Variants in CSMD1 observed in about 807,000 individuals in gnomAD.
CSMD1 encodes CUB and Sushi multiple domains 1.
Under a neutral mutation model 417.5 loss-of-function variants are expected in CSMD1, and 213 were observed. That is an observed-to-expected ratio of 0.51 (90% confidence interval 0.46 to 0.57). The LOEUF is 0.57. CSMD1 is among the 20% of genes least tolerant of loss of function. The probability of loss-of-function intolerance (pLI) is 0.00; values close to 1 mark genes in which losing one functional copy is unlikely to be tolerated. For synonymous variants in CSMD1, 2,862 were observed against 1,736.8 expected (o/e 1.65, Z -16.11); for missense variants, 6,923 against 4,529.7 (o/e 1.53, Z -15.17).
At chr8:3,803,316 A>G (rs1313786875) in intron 5 of CSMD1, among the ~76,000 whole-genome samples, 1 of 152,204 alleles carries the variant, frequency 6.6e-6, no homozygotes, top group Non-Finnish European at 1.5e-5. Context: ...GTAGGGAGAT[A>G]CTGCTATACA....
chr8:3,707,974 G>C (rs754291793), intron 7 of CSMD1, among the ~76,000 whole-genome samples: 3 of 152,208 alleles, frequency 2.0e-5, no homozygotes, highest in Non-Finnish European at 2.9e-5. Context: ...GAAGGACGTA[G>C]ACATTGCCCG....
At chr8:3,694,153 G>A (rs1056413978) in intron 7 of CSMD1, among the ~76,000 whole-genome samples, 1 of 152,024 alleles carries the variant, frequency 6.6e-6, no homozygotes, top group Non-Finnish European at 1.5e-5. Flanking sequence ...GTACATGCTG[G>A]AGAGGGGCTC....
chr8:4,745,128 C>T (rs1412952150), intron 1 of CSMD1, among the ~76,000 whole-genome samples: 2 of 152,018 alleles, frequency 1.3e-5, no homozygotes, highest in Admixed American at 1.3e-4. Context: ...ACATTTAAAT[C>T]AAATTCATAC....
intron 1 of CSMD1, among the ~76,000 whole-genome samples, chr8:4,639,816 T>A (rs975039547): frequency 6.6e-6 from 1 of 152,136 alleles, no homozygotes; most frequent in Admixed American, 6.5e-5. Flanking sequence ...AAAATCTTAA[T>A]AAAAAGATTT....
intron 4 of CSMD1, among the ~76,000 whole-genome samples, chr8:4,004,537 G>A (rs1051423654): frequency 1.3e-5 from 2 of 151,664 alleles, no homozygotes; most frequent in Non-Finnish European, 2.9e-5. Flanking sequence ...TAAAAATGAA[G>A]TAGTATTTTT....
At chr8:3,317,785 A>G (rs1453283567) in intron 23 of CSMD1, among the ~76,000 whole-genome samples, 1 of 152,184 alleles carries the variant, frequency 6.6e-6, no homozygotes, top group Non-Finnish European at 1.5e-5. Flanking sequence ...TTTCATGTAA[A>G]ATAAAGTTGC....
At chr8:3,085,852 C>G (rs1814492816) in intron 49 of CSMD1, among the ~76,000 whole-genome samples, 1 of 152,190 alleles carries the variant, frequency 6.6e-6, no homozygotes, top group African/African-American at 2.4e-5. Context: ...ACCCGAATCC[C>G]TTTGGGACAT....
chr8:4,910,614 T>A (rs940978627), intron 1 of CSMD1, among the ~76,000 whole-genome samples: 1 of 152,212 alleles, frequency 6.6e-6, no homozygotes, highest in Admixed American at 6.5e-5. Flanking sequence ...TCCCAAAGTC[T>A]GCTCCTCCAA....
chr8:4,637,618 T>TA, intron 1 of CSMD1, 60 bp from the exon 2 acceptor site: 1 of 1,011,704 alleles, frequency 9.9e-7, no homozygotes, highest in Non-Finnish European at 1.4e-6. Context: ...ATCTGTGATT[T>TA]AAAAAATTTC....
chr8:4,039,021 T>C (rs944502518), intron 3 of CSMD1, among the ~76,000 whole-genome samples: 1 of 150,856 alleles, frequency 6.6e-6, no homozygotes, highest in Non-Finnish European at 1.5e-5. Context: ...TCATATTAAG[T>C]ATCTTTCCAA....
intron 3 of CSMD1, among the ~76,000 whole-genome samples, chr8:4,161,694 A>C (rs1797179845): frequency 2.0e-5 from 3 of 152,156 alleles, no homozygotes; most frequent in Admixed American, 2.0e-4. Context: ...TAGCAGAAAA[A>C]TCTGCCACGA....
intron 39 of CSMD1, among the ~76,000 whole-genome samples, chr8:3,157,629 G>A (rs1294672380): frequency 3.3e-5 from 5 of 152,274 alleles, no homozygotes; most frequent in East Asian, 1.9e-4. Context: ...CACACATGTC[G>A]TTTTGGTGCA....
Position 4,444,346 on chromosome 8 carries a change from C to CAAAAAAAAAAAAAAAAAAAAAAAAAA in CSMD1, c.303-24307_303-24282dup, listed in dbSNP as rs112028005. 1.5e-4 allele frequency among the ~76,000 whole-genome samples: 7 copies of CAAAAAAAAAAAAAAAAAAAAAAAAAA among 46,278 alleles called. 2 individuals are homozygous for CAAAAAAAAAAAAAAAAAAAAAAAAAA. The highest frequency in any genetic ancestry group is 4.3e-4 in the African/African-American group (6 of 14,104). The allele number at this position is 46,278 out of a possible 152,430, so 30.4% of individuals were successfully genotyped here. ...TGGGCTACAGAGTGAGACTCCATCT[C>CAAAAAAAAAAAAAAAAAAAAAAAAAA]AAAAAAAAAAAAAAAAAAAAAAAAA... On this transcript the variant is annotated intron_variant, in intron 2 of 69. Transcript: ENST00000635120.
intron 18 of CSMD1, among the ~76,000 whole-genome samples, chr8:3,387,041 G>A (rs1811046268): frequency 6.6e-6 from 1 of 152,182 alleles, no homozygotes; most frequent in South Asian, 2.1e-4. Flanking sequence ...CAGCTTCTGA[G>A]CTCAGAATGA....
intron 3 of CSMD1, among the ~76,000 whole-genome samples, chr8:4,079,809 G>T (rs559936814): frequency 6.6e-6 from 1 of 152,220 alleles, no homozygotes; most frequent in African/African-American, 2.4e-5. Context: ...AGCAGGGAGT[G>T]ACATCACGAG....
At chr8:4,568,854 C>T (rs1010475786) in intron 2 of CSMD1, among the ~76,000 whole-genome samples, 1 of 152,172 alleles carries the variant, frequency 6.6e-6, no homozygotes, top group East Asian at 1.9e-4. Context: ...TTTTGATTTG[C>T]ATTTCTCTAA....
chr8:4,099,715 T>G (rs1010828454), intron 3 of CSMD1, among the ~76,000 whole-genome samples: 1 of 152,194 alleles, frequency 6.6e-6, no homozygotes, highest in African/African-American at 2.4e-5. Context: ...CTTTTGGGAC[T>G]TTACTTGCTT....
chr8:4,187,893 G>C (rs1180364484), intron 3 of CSMD1, among the ~76,000 whole-genome samples: 2 of 151,894 alleles, frequency 1.3e-5, no homozygotes, highest in African/African-American at 2.4e-5. Flanking sequence ...GGCAGCACTG[G>C]CATGATATCA....
At chr8:4,282,054 T>A (rs1441418975) in intron 3 of CSMD1, among the ~76,000 whole-genome samples, 2 of 152,204 alleles carry the variant, frequency 1.3e-5, no homozygotes, top group African/African-American at 4.8e-5. Flanking sequence ...TTTCCCTGGG[T>A]TGTAGCACAT....
Sources: gnomAD v4.1 joint callset for allele counts (sites outside exome capture counted in the v4.1 genomes callset) on GRCh38, gnomAD v4.1.1 for gene constraint, MANE v1.5 for transcripts, NCBI Gene and HGNC (gene_info 2026-07-23, HGNC 2026-07-21) for gene names.